Variants in SEC23A observed in about 807,000 individuals in gnomAD.
SEC23A encodes the protein protein transport protein Sec23A.
A neutral mutation model predicts 103.7 loss-of-function variants in SEC23A; 56 were observed. That is an observed-to-expected ratio of 0.54 (90% confidence interval 0.44 to 0.67). The LOEUF (loss-of-function observed/expected upper bound fraction) is 0.67, where lower values mean the gene tolerates loss of function less well. SEC23A is among the 30% of genes least tolerant of loss of function. The probability of loss-of-function intolerance (pLI) is 0.00; values close to 1 mark genes in which losing one functional copy is unlikely to be tolerated. For synonymous variants in SEC23A, 281 were observed against 293.0 expected, an observed-to-expected ratio of 0.96 and a Z score of 0.42; for missense variants, 784 against 936.4, an observed-to-expected ratio of 0.84 and a Z score of 2.12.
chr14:39,042,367 C>T (rs1024662137), intron 17 of SEC23A, among the ~76,000 whole-genome samples: 1 of 152,166 alleles, frequency 6.6e-6, no homozygotes, highest in Non-Finnish European at 1.5e-5. Context: ...AATTTTAATT[C>T]ATGTATGCTT....
In SEC23A at chr14:39,101,968, A is replaced by T. The variant is rs376761067; in HGVS notation, c.-22+1064T>A. On this transcript the variant is annotated intron_variant, in intron 1 of 19. Transcript: ENST00000307712. Reference sequence around the variant, plus strand: ...GGACTCTGGCCGGGCGCAGTGGCTCATGCCTGTGATCCCAGCACTTTGGGA... The same window carrying T: ...GGACTCTGGCCGGGCGCAGTGGCTCTTGCCTGTGATCCCAGCACTTTGGGA... Among the ~76,000 whole-genome samples, 124 of 152,308 alleles carry T rather than the reference A, an allele frequency of 8.1e-4. No homozygotes were observed. In the Middle Eastern group the frequency reaches 0.031, roughly 38 times the overall value.
At position 39,033,043 on chromosome 14, in the gene SEC23A, A is replaced by C. The variant is rs1021933963; in HGVS notation, c.*196T>G. 15 of 588,458 alleles carry C rather than the reference A, an allele frequency of 2.5e-5. No individual in the cohort carries two copies. The highest frequency in any genetic ancestry group is 4.0e-5 in the Non-Finnish European group (13 of 324,832). The allele number at this position is 588,458 out of a possible 1,614,324, so 36.5% of individuals were successfully genotyped here. ...CTATAACACTGTGGTAAGCAAAATA[A>C]ATTTGTTCTTATTGCTCTCATTATA... On this transcript the variant is annotated 3_prime_UTR_variant, in exon 20 of 20. Transcript: ENST00000307712.
intron 17 of SEC23A, chr14:39,041,408 G>GAAAA (rs1885631519): frequency 2.3e-4 from 2 of 8,816 alleles, no homozygotes; most frequent in East Asian, 2.9e-3. Flanking sequence ...CAAAGAAAAA[G>GAAAA]CAAAAAAAAA....
chr14:39,050,118 G>T (rs1397308955), intron 14 of SEC23A, among the ~76,000 whole-genome samples: 1 of 152,092 alleles, frequency 6.6e-6, no homozygotes, highest in Non-Finnish European at 1.5e-5. Flanking sequence ...AACTACTTGA[G>T]TCACGAGGAG....
intron 12 of SEC23A, 123 bp downstream of exon 12, chr14:39,063,201 C>A (rs1007461965): frequency 1.6e-6 from 1 of 622,484 alleles, no homozygotes; most frequent in Non-Finnish European, 2.9e-6. Context: ...AATTCCAATA[C>A]AGAAAATAAA....
In SEC23A at chr14:39,032,053, CAT is replaced by C. The variant is rs1157866260; in HGVS notation, c.*1184_*1185del. 1 of 152,628 alleles carries C rather than the reference CAT, an allele frequency of 6.6e-6. No homozygotes were observed. The highest frequency in any genetic ancestry group is 2.4e-5 in the African/African-American group (1 of 41,456). The allele number at this position is 152,628 out of a possible 1,614,324, so 9.5% of individuals were successfully genotyped here. A position where few individuals can be genotyped will look rare whatever the true frequency, so the allele number is the denominator to read the frequency against. The stretch of plus-strand genomic sequence containing the variant: ...TTTTCTTAAGTTTCTGCTTTACCAT[CAT>C]ATGATTGTGTTCATGCAAGTACAAT... On this transcript the variant is annotated 3_prime_UTR_variant, in exon 20 of 20. Transcript: ENST00000307712.
chr14:39,098,554 T>A (rs1323901943), intron 1 of SEC23A, among the ~76,000 whole-genome samples: 1 of 151,958 alleles, frequency 6.6e-6, no homozygotes, highest in East Asian at 1.9e-4. Context: ...GGCCAGCGGA[T>A]CGCTTGAGGT....
At chr14:39,048,535 G>C in intron 15 of SEC23A, 117 bp downstream of exon 15, 1 of 697,432 alleles carries the variant, frequency 1.4e-6, no homozygotes, top group South Asian at 1.6e-5. Flanking sequence ...CGGAGTTCCA[G>C]GTTACAGTGA....
intron 19 of SEC23A, 85 bp downstream of exon 19, chr14:39,038,946 A>G (rs570279078): frequency 8.5e-7 from 1 of 1,182,220 alleles, no homozygotes; most frequent in Admixed American, 1.8e-5. Flanking sequence ...TACTAAATAC[A>G]CAGGAAAAAA....
chr14:39,096,037 G>A lies in SEC23A; in HGVS notation c.82C>T (p.Arg28Ter), dbSNP rs199571263. The A allele has an allele frequency of 7.4e-6, 12 of 1,614,024 alleles. No homozygotes were observed. In the Admixed American group the frequency reaches 2.0e-4, roughly 27 times the overall value. The change falls in exon 2 of 20, where the codon CGA becomes TGA. Residue 28 changes from arginine (R) to a stop codon, truncating the protein, a stop_gained. Coordinates refer to ENST00000307712, the MANE Select transcript of SEC23A (RefSeq NM_006364.4). LOFTEE classifies it high-confidence loss of function. ...RFSWNVWPSS[R>*]LEATRMVVPV... ...ACAACCATTCTTGTAGCTTCCAGTC[G>A]ACTTGATGGCCAAACATTCCAACTA...
chr14:39,036,136 T>C (rs1885451710), intron 19 of SEC23A, among the ~76,000 whole-genome samples: 1 of 151,606 alleles, frequency 6.6e-6, no homozygotes, highest in South Asian at 2.1e-4. Context: ...CTGGCCAACA[T>C]GGTGAAACTC....
At chr14:39,065,186 A>G (rs1830260637) in intron 10 of SEC23A, among the ~76,000 whole-genome samples, 193 bp from the exon 11 acceptor site, 1 of 152,154 alleles carries the variant, frequency 6.6e-6, no homozygotes, top group African/African-American at 2.4e-5. Context: ...GCACCAACCT[A>G]ATGTTAACCT....
chr14:39,084,701 ACT>A (rs1887367452), intron 7 of SEC23A, among the ~76,000 whole-genome samples: 1 of 151,720 alleles, frequency 6.6e-6, no homozygotes. Flanking sequence ...ACGGAGTCTC[ACT>A]CTGTCACCCA....
At chr14:39,058,286 A>ATT (rs376125773) in intron 13 of SEC23A, among the ~76,000 whole-genome samples, 13 of 144,462 alleles carry the variant, frequency 9.0e-5, no homozygotes, top group South Asian at 2.2e-4. Context: ...TTCTTTCTGT[A>ATT]TTTTTTTTTT....
At chr14:39,076,160 T>A in intron 7 of SEC23A, 67 bp from the exon 8 acceptor site, 7 of 1,115,582 alleles carry the variant, frequency 6.3e-6, no homozygotes, top group Non-Finnish European at 9.1e-6. Context: ...AATAATTTTT[T>A]ATATATTCCT....
intron 7 of SEC23A, among the ~76,000 whole-genome samples, chr14:39,081,361 C>A (rs1466187401): frequency 6.6e-6 from 1 of 152,160 alleles, no homozygotes; most frequent in Non-Finnish European, 1.5e-5. Context: ...TTTAAACATT[C>A]AACAGCCCAA....
At chr14:39,080,578 G>C (rs1411887646) in intron 7 of SEC23A, among the ~76,000 whole-genome samples, 2 of 152,022 alleles carry the variant, frequency 1.3e-5, no homozygotes, top group Non-Finnish European at 2.9e-5. Flanking sequence ...GCTAATTTTT[G>C]TATTTTTAGT....
rs1566509398 is a variant in SEC23A, at chr14:39,087,021, T to C, written c.604-13A>G. ...GCCCCAGCATTTCCTGTAAAGAGAT[T>C]ACTTGTGCAATATTCATTTAATTAC... On this transcript the variant is annotated splice_polypyrimidine_tract_variant and intron_variant, in intron 5 of 19. Coordinates refer to ENST00000307712, the MANE Select transcript of SEC23A (RefSeq NM_006364.4). 1 of 1,374,786 alleles carries C rather than the reference T, an allele frequency of 7.3e-7. No homozygotes were observed. The highest frequency in any genetic ancestry group is 1.0e-6 in the Non-Finnish European group (1 of 961,062). The allele number at this position is 1,374,786 out of a possible 1,614,324, so 85.2% of individuals were successfully genotyped here. A position where few individuals can be genotyped will look rare whatever the true frequency, so the allele number is the denominator to read the frequency against.
chr14:39,069,158 C>T (rs72671379), intron 9 of SEC23A, among the ~76,000 whole-genome samples: 12,009 of 152,222 alleles, frequency 0.079, 493 homozygotes, highest in African/African-American at 0.11. Context: ...CACACCCTTA[C>T]ATCTATTTTC....
Sources: gnomAD v4.1 joint callset for allele counts (sites outside exome capture counted in the v4.1 genomes callset) on GRCh38, gnomAD v4.1.1 for gene constraint, MANE v1.5 for transcripts, NCBI Gene and HGNC (gene_info 2026-07-23, HGNC 2026-07-21) for gene names.